The following CDH18 variants were observed in gnomAD, a reference collection of about 807,000 sequenced individuals.
CDH18 encodes the protein cadherin 18.
Under a neutral mutation model 67.9 loss-of-function variants are expected in CDH18, and 31 were observed. The observed-to-expected ratio is 0.46, with a 90% CI of 0.34 to 0.62. The LOEUF (loss-of-function observed/expected upper bound fraction) is 0.62. Among genes scored for constraint, CDH18 ranks in the 20% least tolerant of loss-of-function variants. The pLI is 0.01. For missense variants in CDH18, 890 were observed against 975.5 expected, an observed-to-expected ratio of 0.91 and a Z score of 1.17; for synonymous variants, 362 against 347.2, an observed-to-expected ratio of 1.04 and a Z score of -0.48.
At chr5:19,923,772 C>T (rs191272176) in intron 2 of CDH18, among the ~76,000 whole-genome samples, 1 of 152,260 alleles carries the variant, frequency 6.6e-6, no homozygotes, top group Non-Finnish European at 1.5e-5. Context: ...TAAAAATCTG[C>T]AGCCAAACTT....
At chr5:20,340,799 G>A (rs1740193156) in intron 1 of CDH18, among the ~76,000 whole-genome samples, 1 of 152,158 alleles carries the variant, frequency 6.6e-6, no homozygotes, top group South Asian at 2.1e-4. Context: ...GCATGACCGT[G>A]ATGAACAACT....
At chr5:19,956,927 G>T (rs1282348681) in intron 2 of CDH18, among the ~76,000 whole-genome samples, 1 of 151,872 alleles carries the variant, frequency 6.6e-6, no homozygotes, top group Non-Finnish European at 1.5e-5. Context: ...AGTAGTAGAG[G>T]TGGATGTAAA....
intron 1 of CDH18, among the ~76,000 whole-genome samples, chr5:20,381,943 AAAGAT>A (rs1743938838): frequency 6.6e-6 from 1 of 152,132 alleles, no homozygotes; most frequent in Admixed American, 6.5e-5. Flanking sequence ...ATTAAAAATG[AAAGAT>A]AATATGTAGA....
chr5:20,361,725 A>G (rs548470425), intron 1 of CDH18, among the ~76,000 whole-genome samples: 1 of 152,244 alleles, frequency 6.6e-6, no homozygotes, highest in African/African-American at 2.4e-5. Flanking sequence ...TATCTATATT[A>G]TCAACTTCAT....
intron 4 of CDH18, among the ~76,000 whole-genome samples, chr5:19,735,226 C>T (rs2150664088): frequency 6.6e-6 from 1 of 152,084 alleles, no homozygotes; most frequent in East Asian, 1.9e-4. Flanking sequence ...CTTTATGTCG[C>T]TGTCAATTGG....
rs567695927 is a variant in CDH18 at position 20,345,350 on chromosome 5, C to T, written c.-579-89845G>A. ...CAACTTTGCCAAGGATCCCTTAATC[C>T]GGAACACCCAAGGGATTATTTACTT... On this transcript the variant is annotated intron_variant, in intron 1 of 14. Coordinates refer to the CDH18 transcript ENST00000507958. Among the ~76,000 whole-genome samples the T allele has an allele frequency of 3.9e-5, 6 of 152,230 alleles. No homozygotes were observed. The South Asian group carries it at 6.2e-4, about 16-fold the overall frequency.
chr5:19,983,228 G>A (rs1799241878), intron 1 of CDH18, among the ~76,000 whole-genome samples: 1 of 151,616 alleles, frequency 6.6e-6, no homozygotes, highest in Admixed American at 6.6e-5. Context: ...GAAAATAATT[G>A]GATCAAATGA....
intron 1 of CDH18, among the ~76,000 whole-genome samples, chr5:20,297,596 CTT>C (rs1169843715): frequency 2.0e-5 from 3 of 152,176 alleles, no homozygotes; most frequent in South Asian, 2.1e-4. Context: ...AGCTTTATCT[CTT>C]GAGTCCCCAT....
At chr5:19,554,460 G>A (rs1468320764) in intron 8 of CDH18, among the ~76,000 whole-genome samples, 1 of 151,880 alleles carries the variant, frequency 6.6e-6, no homozygotes, top group Non-Finnish European at 1.5e-5. Context: ...TGAGGCAGGA[G>A]AATCCCTTGA....
chr5:19,690,932 G>A (rs1184231766), intron 5 of CDH18, among the ~76,000 whole-genome samples: 1 of 151,744 alleles, frequency 6.6e-6, no homozygotes, highest in Non-Finnish European at 1.5e-5. Flanking sequence ...TATGAGGCCA[G>A]CATTATTCTG....
At chr5:19,797,897 A>G (rs1346805771) in intron 3 of CDH18, among the ~76,000 whole-genome samples, 1 of 152,078 alleles carries the variant, frequency 6.6e-6, no homozygotes, top group Non-Finnish European at 1.5e-5. Context: ...GAAGAAAATC[A>G]TAAGAATTAC....
intron 1 of CDH18, among the ~76,000 whole-genome samples, chr5:20,363,166 C>T (rs931290772): frequency 6.6e-6 from 1 of 152,104 alleles, no homozygotes; most frequent in East Asian, 1.9e-4. Flanking sequence ...CAAATGCATT[C>T]GGATTATGTT....
intron 2 of CDH18, among the ~76,000 whole-genome samples, chr5:19,979,885 CTG>C (rs1798866778): frequency 6.6e-6 from 1 of 152,220 alleles, no homozygotes. Flanking sequence ...AGCATTCCCT[CTG>C]AGAACTGCAA....
chr5:19,667,309 G>A (rs1051802035), intron 5 of CDH18, among the ~76,000 whole-genome samples: 3 of 151,178 alleles, frequency 2.0e-5, no homozygotes, highest in African/African-American at 7.3e-5. Context: ...GAACAAATTC[G>A]TGGTGGCATA....
In CDH18 at chr5:19,603,203, A is replaced by T. The variant is rs184417710; in HGVS notation, c.811+9231T>A. On this transcript the variant is annotated intron_variant, in intron 6 of 12. Coordinates refer to ENST00000382275, the MANE Select transcript of CDH18 (RefSeq NM_004934.5). ...ATTACAAAATAAGTTAAAATTTGAT[A>T]CATCTTACAGCCTGGATGAACCTTG... Among the ~76,000 whole-genome samples, 693 of 152,292 alleles carry T rather than the reference A, an allele frequency of 4.6e-3. 5 individuals carry two copies. Among genetic ancestry groups the T allele is most frequent in the Non-Finnish European group, 7.5e-3 (508 of 68,020 alleles).
intron 2 of CDH18, among the ~76,000 whole-genome samples, chr5:20,197,553 A>C (rs1739079581): frequency 1.3e-5 from 2 of 152,172 alleles, no homozygotes; most frequent in Admixed American, 1.3e-4. Context: ...AAGAAACAGA[A>C]AGTTTCCTTG....
chr5:20,220,302 G>C (rs1741122955), intron 2 of CDH18, among the ~76,000 whole-genome samples: 1 of 151,858 alleles, frequency 6.6e-6, no homozygotes, highest in South Asian at 2.1e-4. Context: ...AAACAGAATA[G>C]AGAACCCAGA....
chr5:19,873,129 C>G (rs888792349), intron 2 of CDH18, among the ~76,000 whole-genome samples: 2 of 151,282 alleles, frequency 1.3e-5, no homozygotes, highest in African/African-American at 4.9e-5. Flanking sequence ...TACCATGGTA[C>G]CTTGTGGGAA....
chr5:20,327,982 T>TAA (rs1467551341), intron 1 of CDH18, among the ~76,000 whole-genome samples: 1 of 152,166 alleles, frequency 6.6e-6, no homozygotes, highest in African/African-American at 2.4e-5. Context: ...GGGGTTTTTA[T>TAA]AGCTGGCAAA....
Sources: allele counts gnomAD v4.1 joint callset (sites outside exome capture counted in the v4.1 genomes callset), GRCh38; gene constraint gnomAD v4.1.1; transcripts MANE v1.5; gene names NCBI Gene and HGNC (gene_info 2026-07-23, HGNC 2026-07-21).